The following ELN variants were observed in gnomAD, a reference collection of about 807,000 sequenced individuals.
The protein encoded by ELN is tropoelastin.
ELN carries 65 observed loss-of-function variants against 105.8 expected under a neutral mutation model. That is an observed-to-expected ratio of 0.61 (90% CI 0.50 to 0.75). ELN has a LOEUF of 0.75. Ranked by LOEUF, ELN falls within the 30% of genes least tolerant of loss-of-function variation. The probability of loss-of-function intolerance (pLI) is 0.00; values close to 1 mark genes in which losing one functional copy is unlikely to be tolerated. For synonymous variants in ELN, 368 were observed against 389.2 expected, an observed-to-expected ratio of 0.95 and a Z score of 0.64; for missense variants, 882 against 969.4, an observed-to-expected ratio of 0.91 and a Z score of 1.20.
At chr7:74,061,470 G>A (rs1554684551) in intron 26 of ELN, among the ~76,000 whole-genome samples, 1 of 151,960 alleles carries the variant, frequency 6.6e-6, no homozygotes, top group South Asian at 2.1e-4. Flanking sequence ...TGACCAATAT[G>A]GTGAAACCCC....
chr7:74,041,226 G>T lies in ELN; in HGVS notation c.207G>T (p.Gly69=). 6.2e-7 allele frequency: 1 copy of T among 1,614,056 alleles called. No individual in the cohort carries two copies. The highest frequency in any genetic ancestry group is 8.5e-7 in the Non-Finnish European group (1 of 1,179,924). ...GTTTCTTATCCACAGTTCCCGGAGG[G>T]CTTGCGGGTGCTGGCCTTGGGGCAG... ...GGKPLKPVPG[G]LAGAGLGAGL... is the part of the protein sequence containing the mutation. Residue 69 remains glycine (G), a synonymous_variant, in exon 5 of 33, where the codon GGG becomes GGT. Transcript: ENST00000252034.
intron 17 of ELN, chr7:74,052,905 G>A (rs1794410792): frequency 1.8e-6 from 1 of 550,244 alleles, no homozygotes; most frequent in East Asian, 3.1e-5. Flanking sequence ...AAGAAAGAAA[G>A]AGAAAGGAAG....
chr7:74,056,782 C>A (rs970556922), intron 21 of ELN, 69 bp downstream of exon 21: 40 of 1,605,320 alleles, frequency 2.5e-5, no homozygotes, highest in Non-Finnish European at 3.1e-5. Context: ...AACCTCAGGG[C>A]AAACTGGCTC....
At chr7:74,049,969 C>G (rs1793596230) in intron 15 of ELN, among the ~76,000 whole-genome samples, 2 of 151,432 alleles carry the variant, frequency 1.3e-5, no homozygotes, top group Non-Finnish European at 2.9e-5. Flanking sequence ...ATTCTTCCAT[C>G]CATCCATCTG....
At position 74,042,991 on chromosome 7, in the gene ELN, G is replaced by A. The variant is rs1554669637; in HGVS notation, c.333G>A (p.Gly111=). The change falls in exon 7 of 33, where the codon GGG becomes GGA. Residue 111 remains glycine, a synonymous_variant. Coordinates refer to ENST00000252034, the MANE Select transcript of ELN (RefSeq NM_000501.4). ...AAYKAAKAGA[G]LGGVPGVGGL... is the part of the protein sequence containing the mutation. ...CCTGTCCTGGCTCTGCAGGCGCTGG[G>A]CTTGGTGGTGTCCCAGGAGTTGGTG... 1.2e-6 allele frequency: 2 copies of A among 1,614,186 alleles called. No homozygotes were observed. The highest frequency in any genetic ancestry group is 1.7e-6 in the Non-Finnish European group (2 of 1,180,040).
intron 15 of ELN, among the ~76,000 whole-genome samples, chr7:74,049,361 T>A (rs1793357700): frequency 6.6e-6 from 1 of 150,626 alleles, no homozygotes; most frequent in South Asian, 2.1e-4. Flanking sequence ...CATCCATCCA[T>A]CCACGCATCC....
intron 10 of ELN, chr7:74,045,887 T>C (rs544688158): frequency 2.8e-5 from 12 of 426,714 alleles, no homozygotes; most frequent in African/African-American, 2.0e-4. Flanking sequence ...ATACAAAAAT[T>C]AGCTGGGCGT....
At chr7:74,064,158 C>T (rs1167760252) in intron 29 of ELN, among the ~76,000 whole-genome samples, 1 of 151,614 alleles carries the variant, frequency 6.6e-6, no homozygotes, top group Non-Finnish European at 1.5e-5. Flanking sequence ...GTGGCTCACG[C>T]CTGTGATCCC....
Position 74,043,733 on chromosome 7 carries a change from G to A in ELN, c.428-146G>A, listed in dbSNP as rs1009272732. 5.6e-5 allele frequency: 56 copies of A among 997,152 alleles called. No individual in the cohort carries two copies. The Admixed American group carries it at 1.1e-3, about 19-fold the overall frequency. The allele number at this position is 997,152 out of a possible 1,614,324, so 61.8% of individuals were successfully genotyped here. On this transcript the variant is annotated intron_variant, in intron 8 of 32. Coordinates refer to ENST00000252034, the MANE Select transcript of ELN (RefSeq NM_000501.4). ...CGAAACTCGTGGGAGGAGGGTTGTG[G>A]CCACCCCACGTCTGTCCCTGGCTGC... is the stretch of plus-strand genomic sequence containing the variant.
At chr7:74,033,396 T>A (rs527504167) in intron 1 of ELN, among the ~76,000 whole-genome samples, 35 of 152,266 alleles carry the variant, frequency 2.3e-4, no homozygotes, top group Non-Finnish European at 4.3e-4. Context: ...AAGAGACTGT[T>A]GAGAGCTGGA....
intron 10 of ELN, 150 bp from the exon 11 acceptor site, chr7:74,046,038 A>T (rs549097942): frequency 4.2e-5 from 47 of 1,132,164 alleles, no homozygotes; most frequent in Non-Finnish European, 5.5e-5. Context: ...TCCATCTCCG[A>T]AAAAAGAAAC....
chr7:74,038,693 C>A (rs898999955), intron 4 of ELN, among the ~76,000 whole-genome samples: 1 of 152,248 alleles, frequency 6.6e-6, no homozygotes, highest in Non-Finnish European at 1.5e-5. Flanking sequence ...ACACCCTGAG[C>A]TGTGTTGCCC....
chr7:74,053,146 T>C lies in ELN; in HGVS notation c.950-17T>C. On this transcript the variant is annotated splice_polypyrimidine_tract_variant and intron_variant, in intron 17 of 32. Transcript: ENST00000252034. Reference sequence around the variant, plus strand: ...AGGTTCCCATAGGTTAGGGGAACAATGCTTTTTCTTCCACAGGAGCTGCTG... The same window carrying C: ...AGGTTCCCATAGGTTAGGGGAACAACGCTTTTTCTTCCACAGGAGCTGCTG... 1 of 1,614,156 alleles carries C rather than the reference T, an allele frequency of 6.2e-7. No homozygotes were observed. Among genetic ancestry groups the C allele is most frequent in the Non-Finnish European group, 8.5e-7 (1 of 1,180,024 alleles).
intron 31 of ELN, 98 bp downstream of exon 31, chr7:74,066,095 C>T: frequency 6.4e-7 from 1 of 1,557,514 alleles, no homozygotes; most frequent in Non-Finnish European, 8.8e-7. Context: ...CCCATGTCCA[C>T]ACAAGGACAG....
In ELN at chr7:74,037,749, A is replaced by G. The variant is rs782475698; in HGVS notation, c.196+10A>G. 1 of 1,611,130 alleles carries G rather than the reference A, an allele frequency of 6.2e-7. No homozygotes were observed. The highest frequency in any genetic ancestry group is 1.7e-5 in the Admixed American group (1 of 59,564). On this transcript the variant is annotated intron_variant, in intron 4 of 32. Coordinates refer to ENST00000252034, the MANE Select transcript of ELN (RefSeq NM_000501.4). ...AAACCTCTTAAGCCAGGTAAGACCC[A>G]AGGCCTCGGAGCATTGAGAGACAGC...
Position 74,068,818 on chromosome 7 carries a change from C to T in ELN, c.*118C>T, listed in dbSNP as rs1798547601. 7.7e-6 allele frequency: 10 copies of T among 1,297,706 alleles called. No individual in the cohort carries two copies. The highest frequency in any genetic ancestry group is 4.4e-5 in the African/African-American group (3 of 68,858). The allele number at this position is 1,297,706 out of a possible 1,614,324, so 80.4% of individuals were successfully genotyped here. ...TCCGACTCCCCACCCCAGGAGGGAA[C>T]GGGCAGGCCGGGCGGCCTTGCAGAT... On this transcript the variant is annotated 3_prime_UTR_variant, in exon 33 of 33. Transcript: ENST00000252034.
intron 32 of ELN, 116 bp downstream of exon 32, chr7:74,066,892 A>G (rs370887906): frequency 1.8e-6 from 2 of 1,127,640 alleles, no homozygotes; most frequent in African/African-American, 3.1e-5. Flanking sequence ...GGTGGACCCC[A>G]CAGCCTCAGG....
chr7:74,056,240 T>G, intron 19 of ELN, 31 bp from the exon 20 acceptor site: 3 of 1,614,208 alleles, frequency 1.9e-6, no homozygotes, highest in Middle Eastern at 1.7e-4. Context: ...TCACTGAGCT[T>G]CTTTTCTACT....
Position 74,028,211 on chromosome 7 carries a change from C to G in ELN, c.24C>G (p.Ala8=). 6.2e-7 allele frequency: 1 copy of G among 1,611,414 alleles called. No individual in the cohort carries two copies. Among genetic ancestry groups the G allele is most frequent in the Non-Finnish European group, 8.5e-7 (1 of 1,179,692 alleles). MAGLTAA[A]PRPGVLLLLL... is the part of the protein sequence containing the mutation. The stretch of plus-strand genomic sequence containing the variant: ...AGATGGCGGGTCTGACGGCGGCGGC[C>G]CCGCGGCCCGGAGTCCTCCTGCTCC... The change falls in exon 1 of 33, where the codon GCC becomes GCG. Residue 8 remains alanine, a synonymous_variant. Coordinates refer to ENST00000252034, the MANE Select transcript of ELN (RefSeq NM_000501.4).
Sources: gnomAD v4.1 joint callset for allele counts (sites outside exome capture counted in the v4.1 genomes callset) on GRCh38, gnomAD v4.1.1 for gene constraint, MANE v1.5 for transcripts, NCBI Gene and HGNC (gene_info 2026-07-23, HGNC 2026-07-21) for gene names.